The following RALYL variants were observed in gnomAD, a reference collection of about 807,000 sequenced individuals.
RALYL encodes the protein RALY RNA binding protein like.
A neutral mutation model predicts 35.1 loss-of-function variants in RALYL; 29 were observed. That is an observed-to-expected ratio of 0.83 (90% CI 0.61 to 1.13). The LOEUF (loss-of-function observed/expected upper bound fraction) is 1.13, where lower values mean the gene tolerates loss of function less well. Among genes scored for constraint, RALYL ranks in the 50% most tolerant of loss-of-function variants. The pLI, the probability that RALYL is intolerant of heterozygous loss-of-function variation, is 0.00. For missense variants in RALYL, 359 were observed against 360.4 expected, an observed-to-expected ratio of 1.00 and a Z score of 0.03; for synonymous variants, 120 against 127.6, an observed-to-expected ratio of 0.94 and a Z score of 0.40.
At chr8:84,708,355 A>C (rs1488540741) in intron 2 of RALYL, among the ~76,000 whole-genome samples, 1 of 152,096 alleles carries the variant, frequency 6.6e-6, no homozygotes, top group African/African-American at 2.4e-5. Context: ...AGAGGAGGAG[A>C]GGGAGGGAAG....
At chr8:84,191,468 G>C (rs575637679) in intron 1 of RALYL, among the ~76,000 whole-genome samples, 1 of 152,108 alleles carries the variant, frequency 6.6e-6, no homozygotes, top group Non-Finnish European at 1.5e-5. Context: ...ACAAAGCATG[G>C]CTTCTTAATA....
intron 2 of RALYL, among the ~76,000 whole-genome samples, chr8:84,580,452 G>C (rs1810561430): frequency 6.6e-6 from 1 of 152,128 alleles, no homozygotes; most frequent in Non-Finnish European, 1.5e-5. Context: ...CATGTGCAGA[G>C]AAAGGAATGG....
chr8:84,564,620 C>T (rs1028670947), intron 2 of RALYL, among the ~76,000 whole-genome samples: 18 of 151,644 alleles, frequency 1.2e-4, no homozygotes, highest in African/African-American at 3.6e-4. Flanking sequence ...TCCTGCTAAT[C>T]GTTGCATGGC....
chr8:84,714,264 G>T (rs576016559), intron 2 of RALYL, among the ~76,000 whole-genome samples: 1 of 151,820 alleles, frequency 6.6e-6, no homozygotes, highest in Non-Finnish European at 1.5e-5. Context: ...GACAGGAAGG[G>T]CAATGGAAAC....
At chr8:84,707,369 G>A (rs964422090) in intron 2 of RALYL, among the ~76,000 whole-genome samples, 10 of 152,132 alleles carry the variant, frequency 6.6e-5, no homozygotes, top group African/African-American at 2.2e-4. Flanking sequence ...TCTAAATTAT[G>A]CATAGATTTG....
At chr8:84,777,492 T>C (rs572918406) in intron 3 of RALYL, among the ~76,000 whole-genome samples, 1 of 152,318 alleles carries the variant, frequency 6.6e-6, no homozygotes, top group South Asian at 2.1e-4. Context: ...TTTTGTAACA[T>C]AGTAGTTGTA....
At chr8:84,250,102 GAAATT>G (rs1467136228) in intron 1 of RALYL, among the ~76,000 whole-genome samples, 1 of 151,950 alleles carries the variant, frequency 6.6e-6, no homozygotes, top group Non-Finnish European at 1.5e-5. Flanking sequence ...AGGAAAACTA[GAAATT>G]AAATTATCTA....
chr8:84,680,878 G>T lies in RALYL; in HGVS notation c.257-93701G>T, dbSNP rs181087634. Among the ~76,000 whole-genome samples the T allele has an allele frequency of 6.0e-3, 906 of 151,992 alleles. 32 individuals carry two copies. In the East Asian group the frequency reaches 0.12, roughly 20 times the overall value. ...CATTAGATCCCATTTGTCAATTTTG[G>T]CTTTTGTTGCCATTGCTTTTGGTGT... On this transcript the variant is annotated intron_variant, in intron 2 of 8. Coordinates refer to ENST00000521268, the MANE Select transcript of RALYL (RefSeq NM_173848.7).
intron 2 of RALYL, among the ~76,000 whole-genome samples, chr8:84,636,433 G>T (rs1186527751): frequency 6.6e-6 from 1 of 151,714 alleles, no homozygotes; most frequent in Non-Finnish European, 1.5e-5. Context: ...GACAAGTCAG[G>T]AAATGAACAC....
intron 7 of RALYL, among the ~76,000 whole-genome samples, chr8:84,876,549 G>A (rs1841182891): frequency 7.4e-6 from 1 of 135,274 alleles, no homozygotes; most frequent in South Asian, 2.2e-4. Flanking sequence ...CAAAAACAGT[G>A]AAAAGCACAA....
chr8:84,806,909 G>T (rs1824768547), intron 4 of RALYL, among the ~76,000 whole-genome samples: 1 of 152,070 alleles, frequency 6.6e-6, no homozygotes. Flanking sequence ...CACCTGGGGG[G>T]CTGAGGCGGG....
At chr8:84,499,964 T>C (rs985064371) in intron 1 of RALYL, among the ~76,000 whole-genome samples, 3 of 152,096 alleles carry the variant, frequency 2.0e-5, no homozygotes, top group African/African-American at 7.2e-5. Flanking sequence ...CTATGTTGTC[T>C]ATGGCTAGTC....
chr8:84,921,532 G>A lies in RALYL; in HGVS notation c.*621G>A, dbSNP rs1472353633. On this transcript the variant is annotated 3_prime_UTR_variant, in exon 9 of 9. Coordinates refer to ENST00000521268, the MANE Select transcript of RALYL (RefSeq NM_173848.7). Reference sequence around the variant, plus strand: ...TTGGTTTGATCTGTGATTAAGTTGAGCATGCTCCGCTCTACTGAACTAAAT... The same window carrying A: ...TTGGTTTGATCTGTGATTAAGTTGAACATGCTCCGCTCTACTGAACTAAAT... The A allele has an allele frequency of 6.6e-6, 1 of 152,136 alleles. No homozygotes were observed. Among genetic ancestry groups the A allele is most frequent in the Non-Finnish European group, 1.5e-5 (1 of 67,992 alleles). 9.4% of individuals were successfully genotyped at this position (152,136 alleles called of 1,614,324 possible).
At chr8:84,466,439 T>G (rs1341636859) in intron 1 of RALYL, among the ~76,000 whole-genome samples, 1 of 150,138 alleles carries the variant, frequency 6.7e-6, no homozygotes, top group East Asian at 2.0e-4. Flanking sequence ...ATATGCTGGA[T>G]TACATTTCTT....
intron 2 of RALYL, among the ~76,000 whole-genome samples, chr8:84,768,723 G>A (rs1207221339): frequency 6.6e-6 from 1 of 152,124 alleles, no homozygotes; most frequent in East Asian, 1.9e-4. Context: ...AAATCGTTAA[G>A]TCGAACTGTC....
intron 5 of RALYL, among the ~76,000 whole-genome samples, chr8:84,859,504 C>T (rs573490545): frequency 1.3e-5 from 2 of 152,194 alleles, no homozygotes; most frequent in East Asian, 3.9e-4. Context: ...TGCTGCCCAA[C>T]GTCCCATCAA....
intron 1 of RALYL, among the ~76,000 whole-genome samples, chr8:84,197,941 C>T (rs776978595): frequency 3.4e-4 from 51 of 152,068 alleles, no homozygotes; most frequent in Non-Finnish European, 5.6e-4. Context: ...TGATGATTTC[C>T]AGTACCTAGA....
intron 4 of RALYL, among the ~76,000 whole-genome samples, chr8:84,848,506 C>A (rs1314090063): frequency 6.6e-6 from 1 of 151,430 alleles, no homozygotes; most frequent in Non-Finnish European, 1.5e-5. Context: ...GAATGAAATT[C>A]TGATACATAC....
At chr8:84,682,093 A>G (rs1203640878) in intron 2 of RALYL, among the ~76,000 whole-genome samples, 7 of 152,144 alleles carry the variant, frequency 4.6e-5, no homozygotes, top group Non-Finnish European at 8.8e-5. Context: ...ATCTATTGAG[A>G]TGATCATGTG....
Sources: gnomAD v4.1 joint callset for allele counts (sites outside exome capture counted in the v4.1 genomes callset) on GRCh38, gnomAD v4.1.1 for gene constraint, MANE v1.5 for transcripts, NCBI Gene and HGNC (gene_info 2026-07-23, HGNC 2026-07-21) for gene names.